Variants in RAD54L2 observed in about 807,000 individuals in gnomAD.
RAD54L2 encodes RAD54 like 2, also known as helicase ARIP4.
RAD54L2 carries 27 observed loss-of-function variants against 138.4 expected under a neutral mutation model. That is an observed-to-expected ratio of 0.20 (90% CI 0.14 to 0.27). The LOEUF (loss-of-function observed/expected upper bound fraction) is 0.27, where lower values mean the gene tolerates loss of function less well. RAD54L2 is among the 10% of genes least tolerant of loss of function. RAD54L2 has a pLI of 1.00. For missense variants in RAD54L2, 1,396 were observed against 1,890.2 expected, an observed-to-expected ratio of 0.74 and a Z score of 4.85; for synonymous variants, 644 against 723.2, an observed-to-expected ratio of 0.89 and a Z score of 1.76.
intron 3 of RAD54L2, among the ~76,000 whole-genome samples, chr3:51,590,928 G>A (rs1205189344): frequency 6.6e-6 from 1 of 152,172 alleles, no homozygotes; most frequent in African/African-American, 2.4e-5. Flanking sequence ...AGATGTGAGG[G>A]TAACTGTGAG....
intron 2 of RAD54L2, among the ~76,000 whole-genome samples, chr3:51,554,063 T>C (rs1038748688): frequency 6.6e-6 from 1 of 152,172 alleles, no homozygotes; most frequent in African/African-American, 2.4e-5. Flanking sequence ...TTGGAGTAGC[T>C]GTAGCAATTT....
In RAD54L2 at chr3:51,663,594, CAAAAA is replaced by C. The variant is rs34235841; in HGVS notation, c.*194_*198del. ...CTCTGTTGCTGTTTAACAAAAGAGGCAAAAAAAAAAAAAAAAAAAAAAAAGTCCAA... is the reference window on the plus strand; with the variant it reads ...CTCTGTTGCTGTTTAACAAAAGAGGCAAAAAAAAAAAAAAAAAAAGTCCAA... On this transcript the variant is annotated 3_prime_UTR_variant, in exon 23 of 23. Coordinates refer to ENST00000684192, the MANE Select transcript of RAD54L2 (RefSeq NM_015106.4). 6.3e-3 allele frequency: 342 copies of C among 54,636 alleles called. No homozygotes were observed. Among genetic ancestry groups the C allele is most frequent in the Middle Eastern group, 0.025 (3 of 118 alleles). 3.4% of individuals were successfully genotyped at this position (54,636 alleles called of 1,614,324 possible). A position where few individuals can be genotyped will look rare whatever the true frequency, so the allele number is the denominator to read the frequency against.
chr3:51,605,457 T>A (rs2106744068), intron 3 of RAD54L2, among the ~76,000 whole-genome samples: 1 of 147,842 alleles, frequency 6.8e-6, no homozygotes, highest in Admixed American at 6.8e-5. Context: ...GAGGGTTTTT[T>A]TTTTTTTTTT....
At chr3:51,632,580 C>T (rs531465508) in intron 7 of RAD54L2, among the ~76,000 whole-genome samples, 27 of 150,364 alleles carry the variant, frequency 1.8e-4, no homozygotes, top group African/African-American at 5.8e-4. Flanking sequence ...CAGGCACGAG[C>T]CACCATGCCT....
intron 2 of RAD54L2, among the ~76,000 whole-genome samples, chr3:51,551,985 C>T (rs895347156): frequency 1.3e-5 from 2 of 151,818 alleles, no homozygotes; most frequent in South Asian, 2.1e-4. Context: ...CTCTTGACCT[C>T]GTGATCTGCC....
intron 3 of RAD54L2, among the ~76,000 whole-genome samples, chr3:51,619,142 CT>C (rs1381928439): frequency 2.6e-5 from 4 of 152,160 alleles, no homozygotes; most frequent in Non-Finnish European, 5.9e-5. Flanking sequence ...ACTGCAACCT[CT>C]GCCTCCCGGG....
intron 2 of RAD54L2, among the ~76,000 whole-genome samples, chr3:51,562,975 ACCTCTGCCTACC>A (rs1172635083): frequency 1.3e-5 from 2 of 151,996 alleles, no homozygotes; most frequent in Non-Finnish European, 2.9e-5. Flanking sequence ...CCCAGGCAAT[ACCTCTGCCTACC>A]CCATTCCCTG....
chr3:51,560,198 A>G (rs1453322742), intron 2 of RAD54L2, among the ~76,000 whole-genome samples: 1 of 152,114 alleles, frequency 6.6e-6, no homozygotes, highest in Non-Finnish European at 1.5e-5. Context: ...CTGGTTTTCA[A>G]CCTGGGCTTG....
chr3:51,653,610 G>A (rs1298913099), intron 19 of RAD54L2, among the ~76,000 whole-genome samples: 1 of 152,182 alleles, frequency 6.6e-6, no homozygotes. Flanking sequence ...CATAAAAAAG[G>A]ATGAGTTCAT....
At chr3:51,602,876 G>A (rs1317261440) in intron 3 of RAD54L2, among the ~76,000 whole-genome samples, 1 of 152,118 alleles carries the variant, frequency 6.6e-6, no homozygotes, top group Non-Finnish European at 1.5e-5. Context: ...AAAGTCTGGG[G>A]TGGTGCTTCC....
intron 3 of RAD54L2, among the ~76,000 whole-genome samples, chr3:51,605,921 G>T (rs922178186): frequency 4.6e-5 from 7 of 152,214 alleles, no homozygotes; most frequent in African/African-American, 1.7e-4. Flanking sequence ...CCTAGAGAAG[G>T]CTTTCTGGAG....
chr3:51,586,469 A>G (rs1228521927), intron 2 of RAD54L2, among the ~76,000 whole-genome samples: 1 of 149,740 alleles, frequency 6.7e-6, no homozygotes, highest in East Asian at 2.0e-4. Context: ...CCACCACACA[A>G]TTTCTTCTCT....
intron 2 of RAD54L2, among the ~76,000 whole-genome samples, chr3:51,545,306 C>T (rs1011450551): frequency 2.6e-4 from 39 of 152,206 alleles, no homozygotes; most frequent in Admixed American, 1.4e-3. Flanking sequence ...ATTCTCCTGC[C>T]TCAGCCTCCT....
chr3:51,580,100 C>T (rs1216828178), intron 2 of RAD54L2, among the ~76,000 whole-genome samples: 3 of 152,102 alleles, frequency 2.0e-5, no homozygotes, highest in African/African-American at 7.2e-5. Context: ...AACAACACCC[C>T]CACTTTAGAC....
rs1300169021 is a variant in RAD54L2, at chr3:51,656,034, C to A, written c.3090C>A (p.Pro1030=). The part of the protein sequence containing the change: ...VASVRPVQST[P]IPMMPRHVPL... The stretch of plus-strand genomic sequence containing the variant: ...GTGTTCGTCCTGTGCAGTCCACCCC[C>A]ATCCCCATGATGCCCCGGCATGTCC... The change falls in exon 20 of 23, where the codon CCC becomes CCA. Residue 1030 remains proline, a synonymous_variant. Transcript: ENST00000684192. 3 of 1,613,942 alleles carry A rather than the reference C, an allele frequency of 1.9e-6. No homozygotes were observed. The highest frequency in any genetic ancestry group is 1.1e-5 in the South Asian group (1 of 91,088).
At chr3:51,626,953 GT>G (rs1700706973) in intron 3 of RAD54L2, among the ~76,000 whole-genome samples, 1 of 152,138 alleles carries the variant, frequency 6.6e-6, no homozygotes, top group Non-Finnish European at 1.5e-5. Flanking sequence ...TTGAGTCTGT[GT>G]TTGTACATGC....
At chr3:51,625,910 G>A (rs995781933) in intron 3 of RAD54L2, among the ~76,000 whole-genome samples, 2 of 152,048 alleles carry the variant, frequency 1.3e-5, no homozygotes, top group Non-Finnish European at 2.9e-5. Flanking sequence ...AGAATAGACT[G>A]AGAAGCTGCC....
At chr3:51,578,970 C>A (rs1382603550) in intron 2 of RAD54L2, among the ~76,000 whole-genome samples, 1 of 152,148 alleles carries the variant, frequency 6.6e-6, no homozygotes, top group African/African-American at 2.4e-5. Flanking sequence ...AAGTGGCTCT[C>A]AGCCAGAAGG....
rs1701933116 is a variant in RAD54L2, at chr3:51,667,434, G to A, written c.*4014G>A. On this transcript the variant is annotated 3_prime_UTR_variant, in exon 23 of 23. Coordinates refer to ENST00000684192, the MANE Select transcript of RAD54L2 (RefSeq NM_015106.4). Reference sequence around the variant, plus strand: ...ACCCTCCTCGGCCTCCCAGTGATGGGATTACAGGCGTGAGCCACTGCTCCT... The same window carrying A: ...ACCCTCCTCGGCCTCCCAGTGATGGAATTACAGGCGTGAGCCACTGCTCCT... The A allele has an allele frequency of 6.6e-6, 1 of 152,386 alleles. No individual in the cohort carries two copies. The highest frequency in any genetic ancestry group is 6.5e-5 in the Admixed American group (1 of 15,280). The allele number at this position is 152,386 out of a possible 1,614,324, so 9.4% of individuals were successfully genotyped here. A position where few individuals can be genotyped will look rare whatever the true frequency, so the allele number is the denominator to read the frequency against.
Sources: allele counts gnomAD v4.1 joint callset (sites outside exome capture counted in the v4.1 genomes callset), GRCh38; gene constraint gnomAD v4.1.1; transcripts MANE v1.5; gene names NCBI Gene and HGNC (gene_info 2026-07-23, HGNC 2026-07-21).